The following PLEKHA5 variants were observed in gnomAD, a reference collection of about 807,000 sequenced individuals.
PLEKHA5 encodes pleckstrin homology domain containing A5.
PLEKHA5 carries 55 observed loss-of-function variants against 181.9 expected under a neutral mutation model. The observed-to-expected ratio is 0.30, with a 90% CI of 0.24 to 0.38. PLEKHA5 has a LOEUF of 0.38. PLEKHA5 is among the 10% of genes least tolerant of loss of function. The pLI is 1.00. For synonymous variants in PLEKHA5, 535 were observed against 529.4 expected (o/e 1.01, Z -0.15); for missense variants, 1,432 against 1,549.5 (o/e 0.92, Z 1.27).
chr12:19,136,708 A>G (rs1172936572), intron 3 of PLEKHA5, among the ~76,000 whole-genome samples: 1 of 152,222 alleles, frequency 6.6e-6, no homozygotes, highest in East Asian at 1.9e-4. Flanking sequence ...CTGGGTATCA[A>G]AACAATATTT....
chr12:19,351,676 A>C (rs1380331249), intron 25 of PLEKHA5, among the ~76,000 whole-genome samples: 2 of 152,186 alleles, frequency 1.3e-5, no homozygotes, highest in Admixed American at 6.6e-5. Context: ...CAAAAAAGAA[A>C]AGAAGCTGGA....
chr12:19,207,973 T>C (rs1050222430), intron 3 of PLEKHA5, among the ~76,000 whole-genome samples: 6 of 152,178 alleles, frequency 3.9e-5, no homozygotes, highest in African/African-American at 1.4e-4. Flanking sequence ...GACTACTACA[T>C]GAAATATTTA....
intron 3 of PLEKHA5, among the ~76,000 whole-genome samples, chr12:19,247,878 T>A (rs1474659552): frequency 1.3e-5 from 2 of 150,914 alleles, no homozygotes; most frequent in Admixed American, 1.3e-4. Flanking sequence ...AGCTCTAGAA[T>A]AACAGAGTGC....
In PLEKHA5 at chr12:19,265,755, A is replaced by G; in HGVS notation, c.616A>G (p.Lys206Glu). 2 of 1,537,206 alleles carry G rather than the reference A, an allele frequency of 1.3e-6. No individual in the cohort carries two copies. The highest frequency in any genetic ancestry group is 1.8e-6 in the Non-Finnish European group (2 of 1,115,882). ...DLCLFYYRDE[K>E]EEGILGSILL... ...GATGTTAAATTATCTCTTAGATGAG[A>G]AAGAAGAGGGTATCCTGGGAAGCAT... Residue 206 changes from lysine to glutamate, a missense_variant, in exon 8 of 32, where the codon AAA (lysine) becomes GAA (glutamate). Lys to Glu is a moderately conservative substitution (Grantham distance 56). Around this residue, in one of 2 missense-constraint regions of PLEKHA5, gnomAD observed 289 missense variants for 381.1 expected, o/e 0.76. Coordinates refer to ENST00000429027, the MANE Select transcript of PLEKHA5 (RefSeq NM_001256470.2).
At chr12:19,352,124 T>C (rs2094629329) in intron 25 of PLEKHA5, among the ~76,000 whole-genome samples, 1 of 147,806 alleles carries the variant, frequency 6.8e-6, no homozygotes. Flanking sequence ...TGGCACGCGC[T>C]TGTAATCCCA....
At chr12:19,221,084 G>C (rs916926975) in intron 3 of PLEKHA5, among the ~76,000 whole-genome samples, 1 of 152,096 alleles carries the variant, frequency 6.6e-6, no homozygotes, top group African/African-American at 2.4e-5. Context: ...AGACATTTTG[G>C]CAGTCTCTTA....
At chr12:19,236,546 A>T (rs1333970928) in intron 3 of PLEKHA5, among the ~76,000 whole-genome samples, 1 of 152,090 alleles carries the variant, frequency 6.6e-6, no homozygotes, top group Non-Finnish European at 1.5e-5. Flanking sequence ...ACAAATATAT[A>T]TCATCTTGGA....
intron 3 of PLEKHA5, among the ~76,000 whole-genome samples, chr12:19,143,326 A>G (rs1591796397): frequency 6.6e-6 from 1 of 152,244 alleles, no homozygotes; most frequent in East Asian, 1.9e-4. Context: ...AAGAAATACC[A>G]CAGAATGATT....
chr12:19,335,964 T>C (rs1247209511), intron 20 of PLEKHA5, among the ~76,000 whole-genome samples: 2 of 152,088 alleles, frequency 1.3e-5, no homozygotes, highest in East Asian at 3.9e-4. Flanking sequence ...CTAGAATTAT[T>C]CTATATTCAA....
intron 11 of PLEKHA5, among the ~76,000 whole-genome samples, chr12:19,276,413 G>A (rs779820509): frequency 2.6e-4 from 39 of 152,042 alleles, no homozygotes; most frequent in Non-Finnish European, 5.0e-4. Flanking sequence ...GTTTGGTGCC[G>A]GGCAAGGTGG....
intron 25 of PLEKHA5, among the ~76,000 whole-genome samples, chr12:19,349,526 A>G (rs1454786396): frequency 6.6e-6 from 1 of 152,134 alleles, no homozygotes; most frequent in Non-Finnish European, 1.5e-5. Flanking sequence ...TCTGTAATGT[A>G]TACTCTGATT....
At chr12:19,197,499 T>C (rs1364295661) in intron 3 of PLEKHA5, among the ~76,000 whole-genome samples, 2 of 152,332 alleles carry the variant, frequency 1.3e-5, no homozygotes, top group African/African-American at 4.8e-5. Flanking sequence ...AGCCACACTC[T>C]GCTTTTTCTT....
chr12:19,237,588 C>T (rs918345883), intron 3 of PLEKHA5, among the ~76,000 whole-genome samples: 3 of 151,810 alleles, frequency 2.0e-5, no homozygotes, highest in African/African-American at 7.3e-5. Flanking sequence ...TGGGCCATAT[C>T]AGTGATATGA....
intron 25 of PLEKHA5, among the ~76,000 whole-genome samples, chr12:19,351,417 C>T (rs1272463625): frequency 1.3e-5 from 2 of 152,060 alleles, no homozygotes; most frequent in East Asian, 3.9e-4. Context: ...TAAGCATATA[C>T]AACAACTATT....
At position 19,132,439 on chromosome 12, in the gene PLEKHA5, A is replaced by G; in HGVS notation, c.216A>G (p.Arg72=). Residue 72 remains arginine (R), a synonymous_variant, in exon 3 of 32, where the codon AGA becomes AGG. Coordinates refer to ENST00000429027, the MANE Select transcript of PLEKHA5 (RefSeq NM_001256470.2). Reference sequence around the variant, plus strand: ...AAGCATATACTTTTGAAGGTGCAAGATACTATATAAAGTGAGTTTTTTGAC... The same window carrying G: ...AAGCATATACTTTTGAAGGTGCAAGGTACTATATAAAGTGAGTTTTTTGAC... ...WEEAYTFEGA[R]YYINHNERKV... 6.4e-7 allele frequency: 1 copy of G among 1,552,270 alleles called. No individual in the cohort carries two copies. Among genetic ancestry groups the G allele is most frequent in the Non-Finnish European group, 8.8e-7 (1 of 1,134,916 alleles).
At chr12:19,175,022 A>T (rs1175686733) in intron 3 of PLEKHA5, among the ~76,000 whole-genome samples, 1 of 152,242 alleles carries the variant, frequency 6.6e-6, no homozygotes, top group Non-Finnish European at 1.5e-5. Flanking sequence ...ATGTGAATAA[A>T]AAATGGGAAC....
intron 3 of PLEKHA5, chr12:19,200,355 G>T: frequency 6.5e-7 from 1 of 1,528,402 alleles, no homozygotes; most frequent in South Asian, 1.2e-5. Flanking sequence ...TTCTTCCTGG[G>T]AATAGAAGAT....
chr12:19,136,304 CAG>C (rs568491294), intron 3 of PLEKHA5, among the ~76,000 whole-genome samples: 5 of 152,206 alleles, frequency 3.3e-5, no homozygotes, highest in African/African-American at 9.6e-5. Flanking sequence ...ATACATTACA[CAG>C]AGTTTGAGTT....
chr12:19,201,980 T>C lies in PLEKHA5; in HGVS notation c.228-51960T>C, dbSNP rs1459232191. 5 of 931,580 alleles carry C rather than the reference T, an allele frequency of 5.4e-6. No homozygotes were observed. The South Asian group carries it at 2.5e-4, about 46-fold the overall frequency. The allele number at this position is 931,580 out of a possible 1,614,324, so 57.7% of individuals were successfully genotyped here. A position where few individuals can be genotyped will look rare whatever the true frequency, so the allele number is the denominator to read the frequency against. ...AATGTGAATTACACTGCAATAAAAC[T>C]AAATAAAAGCTGAGTTAGTACCACT... On this transcript the variant is annotated intron_variant, in intron 3 of 31. Transcript: ENST00000429027.
Sources: gnomAD v4.1 joint callset for allele counts (sites outside exome capture counted in the v4.1 genomes callset) on GRCh38, gnomAD v4.1.1 for gene constraint, gnomAD v4.1.1 regional missense constraint, MANE v1.5 for transcripts, NCBI Gene and HGNC (gene_info 2026-07-23, HGNC 2026-07-21) for gene names.